CCDC102B: variants seen among roughly 807,000 people sequenced by gnomAD.
CCDC102B encodes coiled-coil domain-containing protein 102B.
In CCDC102B, 75 loss-of-function variants were observed where a neutral mutation model predicts 57.4. That is an observed-to-expected ratio of 1.31 (90% CI 1.08 to 1.58). The LOEUF (loss-of-function observed/expected upper bound fraction) is 1.58. Ranked by LOEUF, CCDC102B falls within the 40% of genes most tolerant of loss-of-function variation. The pLI, the probability that CCDC102B is intolerant of heterozygous loss-of-function variation, is 0.00. For missense variants in CCDC102B, 636 were observed against 582.6 expected (o/e 1.09, Z -0.94); for synonymous variants, 206 against 201.9 (o/e 1.02, Z -0.17).
intron 1 of CCDC102B, among the ~76,000 whole-genome samples, chr18:68,817,551 T>C (rs904093413): frequency 2.6e-5 from 4 of 152,260 alleles, no homozygotes; most frequent in Admixed American, 2.6e-4. Flanking sequence ...AGGCTTTTTC[T>C]GCAAGTTCAA....
At chr18:69,019,707 C>A (rs1055174858) in intron 7 of CCDC102B, among the ~76,000 whole-genome samples, 8 of 152,182 alleles carry the variant, frequency 5.3e-5, no homozygotes, top group African/African-American at 1.4e-4. Flanking sequence ...ATTTAGACAG[C>A]TTTCATTTCT....
intron 6 of CCDC102B, among the ~76,000 whole-genome samples, chr18:68,914,494 A>G (rs916473252): frequency 2.0e-5 from 3 of 152,224 alleles, no homozygotes; most frequent in Non-Finnish European, 2.9e-5. Flanking sequence ...TTTATAAAGC[A>G]TGCAATCATC....
chr18:69,011,781 C>T (rs2051525467), intron 7 of CCDC102B, among the ~76,000 whole-genome samples: 1 of 151,752 alleles, frequency 6.6e-6, no homozygotes, highest in Non-Finnish European at 1.5e-5. Context: ...ACTGTTCCTG[C>T]TCCTGTTGGA....
chr18:68,786,631 C>G (rs1760385818), intron 2 of CCDC102B, among the ~76,000 whole-genome samples: 2 of 138,776 alleles, frequency 1.4e-5, no homozygotes, highest in African/African-American at 5.5e-5. Flanking sequence ...CTCTGTTTGT[C>G]TGTTATTGGT....
chr18:68,939,775 A>G (rs1486158425), intron 6 of CCDC102B, among the ~76,000 whole-genome samples: 3 of 151,788 alleles, frequency 2.0e-5, no homozygotes, highest in Non-Finnish European at 4.4e-5. Context: ...CAACAGATAA[A>G]AACTTGAATA....
intron 6 of CCDC102B, among the ~76,000 whole-genome samples, chr18:68,918,456 C>T (rs2041155582): frequency 6.6e-6 from 1 of 152,136 alleles, no homozygotes; most frequent in Non-Finnish European, 1.5e-5. Context: ...CATTTAGTGA[C>T]CACGTATACT....
At chr18:68,889,450 G>A (rs890270108) in intron 5 of CCDC102B, among the ~76,000 whole-genome samples, 55 of 152,162 alleles carry the variant, frequency 3.6e-4, no homozygotes, top group East Asian at 7.7e-4. Flanking sequence ...ATGGAGTTTC[G>A]CTCTTGTTGT....
chr18:68,765,045 T>TTAAATAAA (rs60550530), intron 2 of CCDC102B, among the ~76,000 whole-genome samples: 51,477 of 126,740 alleles, frequency 0.41, 11,130 homozygotes, highest in Middle Eastern at 0.52. Context: ...AAACCCTCTC[T>TTAAATAAA]TAAATAAATA....
chr18:68,886,287 T>G (rs979272362), intron 5 of CCDC102B, among the ~76,000 whole-genome samples: 2 of 152,018 alleles, frequency 1.3e-5, no homozygotes, highest in Non-Finnish European at 2.9e-5. Context: ...TATATTTTGT[T>G]CAGCCATGGT....
chr18:68,816,232 G>C (rs2036467294), intron 1 of CCDC102B, among the ~76,000 whole-genome samples: 1 of 152,170 alleles, frequency 6.6e-6, no homozygotes, highest in Admixed American at 6.5e-5. Context: ...TGTACAGAAA[G>C]AGAATTTCAA....
rs1262726006 is a variant in CCDC102B, at chr18:68,836,914, T to A, written c.151T>A (p.Ser51Thr). ...CTGCTTCCCACTTCATGGGCTACAA[T>A]CTCATGCTGCTCACAATTTCTGTGC... is the stretch of plus-strand genomic sequence containing the variant. Reference protein sequence around the residue: ...NTCFPLHGLQSHAAHNFCAHS... With the variant: ...NTCFPLHGLQTHAAHNFCAHS... Residue 51 changes from serine (S) to threonine (T), a missense_variant, in exon 2 of 8, where the codon TCT becomes ACT. Coordinates refer to ENST00000360242, the MANE Select transcript of CCDC102B (RefSeq NM_024781.3). 1 of 1,614,068 alleles carries A rather than the reference T, an allele frequency of 6.2e-7. No individual in the cohort carries two copies. Among genetic ancestry groups the A allele is most frequent in the East Asian group, 2.2e-5 (1 of 44,860 alleles).
rs1191322274 is a variant in CCDC102B at position 68,913,808 on chromosome 18, A to G, written c.1263+16380A>G. Among the ~76,000 whole-genome samples the G allele has an allele frequency of 2.0e-5, 3 of 152,164 alleles. No homozygotes were observed. The East Asian group carries it at 5.8e-4, about 29-fold the overall frequency. ...CTTCACAGGCAGTTCCTATTCTATTACTCTGAAAACACATTCCTCCATTTA... is the reference window on the plus strand; with the variant it reads ...CTTCACAGGCAGTTCCTATTCTATTGCTCTGAAAACACATTCCTCCATTTA... On this transcript the variant is annotated intron_variant, in intron 6 of 7. Coordinates refer to ENST00000360242, the MANE Select transcript of CCDC102B (RefSeq NM_024781.3).
chr18:69,051,186 A>C (rs2052695408), intron 7 of CCDC102B, among the ~76,000 whole-genome samples: 1 of 152,178 alleles, frequency 6.6e-6, no homozygotes, highest in Admixed American at 6.6e-5. Flanking sequence ...TCCTGGCCTA[A>C]TAAGGCAATT....
chr18:68,876,066 A>C (rs1390701439), intron 5 of CCDC102B, among the ~76,000 whole-genome samples: 1 of 152,232 alleles, frequency 6.6e-6, no homozygotes, highest in Non-Finnish European at 1.5e-5. Flanking sequence ...TCAGACTATC[A>C]GGATAGATAT....
intron 2 of CCDC102B, among the ~76,000 whole-genome samples, chr18:68,742,681 T>C (rs1311430723): frequency 6.6e-6 from 1 of 152,238 alleles, no homozygotes; most frequent in Non-Finnish European, 1.5e-5. Flanking sequence ...CATTTATCCT[T>C]CTTCCCTCAG....
At chr18:68,919,081 A>G (rs1468068358) in intron 6 of CCDC102B, among the ~76,000 whole-genome samples, 6 of 151,998 alleles carry the variant, frequency 3.9e-5, no homozygotes, top group Admixed American at 2.6e-4. Flanking sequence ...CTACTCCCCA[A>G]TACATTTTAT....
intron 2 of CCDC102B, among the ~76,000 whole-genome samples, chr18:68,757,618 C>T (rs2034096238): frequency 6.6e-6 from 1 of 152,162 alleles, no homozygotes; most frequent in East Asian, 1.9e-4. Flanking sequence ...TATTATTTCC[C>T]TTTTTTCTAT....
In CCDC102B at chr18:68,925,686, G is replaced by A. The variant is rs565467168; in HGVS notation, c.1263+28258G>A. Among the ~76,000 whole-genome samples, 11 of 152,026 alleles carry A rather than the reference G, an allele frequency of 7.2e-5. No homozygotes were observed. In the South Asian group the frequency reaches 2.3e-3, roughly 32 times the overall value. On this transcript the variant is annotated intron_variant, in intron 6 of 7. Transcript: ENST00000360242. ...CTTATAGGTGGTTACTAATTCAGATGAGCAGTATTAATTTTTTAAAAGTGG... is the reference window on the plus strand; with the variant it reads ...CTTATAGGTGGTTACTAATTCAGATAAGCAGTATTAATTTTTTAAAAGTGG...
chr18:68,804,789 GAA>G (rs1486653561), intron 1 of CCDC102B, among the ~76,000 whole-genome samples: 1 of 151,924 alleles, frequency 6.6e-6, no homozygotes, highest in East Asian at 1.9e-4. Context: ...TGAGATAAAT[GAA>G]AGTGTCTTTA....
Sources: gnomAD v4.1 joint callset for allele counts (sites outside exome capture counted in the v4.1 genomes callset) on GRCh38, gnomAD v4.1.1 for gene constraint, MANE v1.5 for transcripts, NCBI Gene and HGNC (gene_info 2026-07-23, HGNC 2026-07-21) for gene names.